Variants in PRKCH observed in about 807,000 individuals in gnomAD.
PRKCH encodes the protein protein kinase C eta, also known as protein kinase C eta type.
Under a neutral mutation model 82.5 loss-of-function variants are expected in PRKCH, and 28 were observed. The observed-to-expected ratio is 0.34, with a 90% CI of 0.25 to 0.47. The LOEUF (loss-of-function observed/expected upper bound fraction) is 0.47. Ranked by LOEUF, PRKCH falls within the 20% of genes least tolerant of loss-of-function variation. The pLI is 1.00. For synonymous variants in PRKCH, 322 were observed against 327.4 expected, an observed-to-expected ratio of 0.98 and a Z score of 0.18; for missense variants, 705 against 881.8, an observed-to-expected ratio of 0.80 and a Z score of 2.54.
chr14:61,533,710 C>T (rs2043072273), intron 12 of PRKCH, among the ~76,000 whole-genome samples: 1 of 152,220 alleles, frequency 6.6e-6, no homozygotes, highest in African/African-American at 2.4e-5. Flanking sequence ...ACCCACAGGG[C>T]TACTGCGTGG....
intron 11 of PRKCH, among the ~76,000 whole-genome samples, chr14:61,529,754 G>A (rs1160718986): frequency 8.7e-6 from 1 of 115,004 alleles, no homozygotes; most frequent in African/African-American, 3.3e-5. Context: ...GGGGACTGTG[G>A]TGGGGTGGGG....
chr14:61,209,972 C>A (rs1306408744), intron 1 of PRKCH, among the ~76,000 whole-genome samples: 1 of 151,466 alleles, frequency 6.6e-6, no homozygotes, highest in Non-Finnish European at 1.5e-5. Flanking sequence ...GGTGTGGTGG[C>A]TCACGCTTAT....
At chr14:61,529,978 A>G (rs993909033) in intron 11 of PRKCH, among the ~76,000 whole-genome samples, 1 of 152,238 alleles carries the variant, frequency 6.6e-6, no homozygotes, top group Non-Finnish European at 1.5e-5. Flanking sequence ...GACAAAGTGT[A>G]CGCCATTCAT....
At chr14:61,466,484 G>A (rs903966983) in intron 9 of PRKCH, among the ~76,000 whole-genome samples, 3 of 152,146 alleles carry the variant, frequency 2.0e-5, no homozygotes, top group African/African-American at 4.8e-5. Flanking sequence ...TCCTCCTGGA[G>A]AGAGAGGAAC....
chr14:61,195,799 G>C (rs1194492666), intron 1 of PRKCH, among the ~76,000 whole-genome samples: 1 of 152,134 alleles, frequency 6.6e-6, no homozygotes, highest in Non-Finnish European at 1.5e-5. Flanking sequence ...ATGGAGGAGA[G>C]AGAGAGAGCA....
At chr14:61,314,677 T>G (rs538050140) in intron 1 of PRKCH, among the ~76,000 whole-genome samples, 1 of 152,240 alleles carries the variant, frequency 6.6e-6, no homozygotes, top group East Asian at 1.9e-4. Flanking sequence ...GGCTCTTCTT[T>G]TGGGGAAACC....
At chr14:61,300,773 C>T (rs2045442470) in intron 1 of PRKCH, among the ~76,000 whole-genome samples, 1 of 152,102 alleles carries the variant, frequency 6.6e-6, no homozygotes, top group Non-Finnish European at 1.5e-5. Flanking sequence ...GCAGCTGTGA[C>T]AATAGGAAAA....
At chr14:61,401,502 A>T (rs1050792870) in intron 2 of PRKCH, among the ~76,000 whole-genome samples, 2 of 152,202 alleles carry the variant, frequency 1.3e-5, no homozygotes, top group African/African-American at 2.4e-5. Context: ...TGTTTTCCTT[A>T]TAATACGAAG....
chr14:61,248,800 G>GTA (rs1309533126), intron 1 of PRKCH, among the ~76,000 whole-genome samples: 3 of 138,078 alleles, frequency 2.2e-5, no homozygotes, highest in East Asian at 2.3e-4. Flanking sequence ...ATGTATGTAT[G>GTA]TGTGTGTGTG....
At chr14:61,337,840 A>G (rs767460439) in intron 1 of PRKCH, among the ~76,000 whole-genome samples, 14 of 152,358 alleles carry the variant, frequency 9.2e-5, no homozygotes, top group Middle Eastern at 3.4e-3. Flanking sequence ...AACTGTATAT[A>G]TACAATATTT....
intron 5 of PRKCH, among the ~76,000 whole-genome samples, chr14:61,450,022 G>A (rs1566889109): frequency 6.6e-6 from 1 of 152,070 alleles, no homozygotes; most frequent in Non-Finnish European, 1.5e-5. Flanking sequence ...ATGGAGTGTT[G>A]CTGACATTTA....
At chr14:61,478,021 C>T (rs1423248634) in intron 9 of PRKCH, among the ~76,000 whole-genome samples, 1 of 152,258 alleles carries the variant, frequency 6.6e-6, no homozygotes, top group Admixed American at 6.5e-5. Context: ...GCCACAGCCA[C>T]AGCCAAGGGG....
intron 1 of PRKCH, among the ~76,000 whole-genome samples, chr14:61,328,206 C>G (rs192952751): frequency 7.3e-6 from 1 of 136,718 alleles, no homozygotes; most frequent in Admixed American, 8.1e-5. Context: ...GCCGAGATTG[C>G]GCCACTGCGG....
intron 7 of PRKCH, among the ~76,000 whole-genome samples, chr14:61,455,885 A>G (rs763909628): frequency 3.9e-5 from 6 of 152,182 alleles, no homozygotes; most frequent in South Asian, 2.1e-4. Context: ...TGGAAAGCCA[A>G]CTGAGGCAGG....
At chr14:61,447,374 T>G (rs539748619) in intron 4 of PRKCH, among the ~76,000 whole-genome samples, 1 of 152,196 alleles carries the variant, frequency 6.6e-6, no homozygotes, top group Admixed American at 6.5e-5. Context: ...ATCTCAGTAA[T>G]TGATAGATCC....
intron 4 of PRKCH, among the ~76,000 whole-genome samples, chr14:61,448,201 T>A (rs28593391): frequency 0.026 from 4,033 of 152,324 alleles, 184 homozygotes; most frequent in African/African-American, 0.092. Context: ...TGTTTTAAGG[T>A]ATGATGCTAT....
At chr14:61,497,023 T>G (rs1290810212) in intron 10 of PRKCH, among the ~76,000 whole-genome samples, 1 of 152,202 alleles carries the variant, frequency 6.6e-6, no homozygotes, top group Non-Finnish European at 1.5e-5. Context: ...CTGGAAAGTT[T>G]CTCTGATTGA....
At chr14:61,247,385 A>G (rs17806459) in intron 1 of PRKCH, among the ~76,000 whole-genome samples, 8,351 of 152,164 alleles carry the variant, frequency 0.055, 377 homozygotes, top group Non-Finnish European at 0.079. Flanking sequence ...TTAAATGAAA[A>G]TCCAAGAAGT....
At chr14:61,467,721 T>C (rs1885322545) in intron 9 of PRKCH, among the ~76,000 whole-genome samples, 3 of 152,210 alleles carry the variant, frequency 2.0e-5, no homozygotes, top group Admixed American at 2.0e-4. Context: ...GTGCCCACTT[T>C]GCAGGAGGGG....
Sources: allele counts gnomAD v4.1 joint callset (sites outside exome capture counted in the v4.1 genomes callset), GRCh38; gene constraint gnomAD v4.1.1; transcripts MANE v1.5; gene names NCBI Gene and HGNC (gene_info 2026-07-23, HGNC 2026-07-21).